MED13: variants seen among roughly 807,000 people sequenced by gnomAD.
The protein encoded by MED13 is mediator of RNA polymerase II transcription subunit 13.
In MED13, 23 loss-of-function variants were observed where a neutral mutation model predicts 225.2. The observed-to-expected ratio is 0.10, with a 90% CI of 0.07 to 0.14. MED13 has a LOEUF of 0.14. MED13 is among the 10% of genes least tolerant of loss of function. MED13 has a pLI of 1.00. For missense variants in MED13, 2,197 were observed against 2,594.5 expected (o/e 0.85, Z 3.33); for synonymous variants, 942 against 889.2 (o/e 1.06, Z -1.06).
At chr17:61,954,132 G>C (rs9889643) in intron 26 of MED13, among the ~76,000 whole-genome samples, 3,122 of 152,226 alleles carry the variant, frequency 0.021, 103 homozygotes, top group African/African-American at 0.071. Context: ...AGATAAGGAG[G>C]ATTACTGTAT....
chr17:61,953,233 CTGAG>C (rs1316915943), intron 26 of MED13, 120 bp from the exon 27 acceptor site: 200 of 966,908 alleles, frequency 2.1e-4, no homozygotes, highest in Middle Eastern at 1.6e-3. Context: ...CCAACATTTA[CTGAG>C]TGTCTACCAT....
At chr17:62,054,073 G>A (rs1424593460) in intron 2 of MED13, among the ~76,000 whole-genome samples, 1 of 152,160 alleles carries the variant, frequency 6.6e-6, no homozygotes, top group African/African-American at 2.4e-5. Flanking sequence ...TTGGGAGGCT[G>A]AGGTGGGCGG....
chr17:62,061,920 TAAC>T (rs2081042121), intron 2 of MED13, among the ~76,000 whole-genome samples: 1 of 152,288 alleles, frequency 6.6e-6, no homozygotes, highest in East Asian at 1.9e-4. Context: ...CTCTCAAAAA[TAAC>T]AATTAACACT....
intron 8 of MED13, among the ~76,000 whole-genome samples, chr17:62,012,327 CT>C (rs60421231): frequency 0.12 from 15,730 of 129,522 alleles, 517 homozygotes; most frequent in South Asian, 0.27. Context: ...CACTAAGAAA[CT>C]TTTTTTTTTT....
At position 62,033,870 on chromosome 17, in the gene MED13, C is replaced by T. The variant is rs753501852; in HGVS notation, c.731G>A (p.Cys244Tyr). ...TTCTTCAGACATCTCCTTCAAGCAA[C>T]ATGAGATAGGATAGAACTGTTTCCA... ...GEWKQFYPIS[C>Y]CLKEMSEEKQ... Residue 244 changes from cysteine (C) to tyrosine (Y), a missense_variant, in exon 5 of 30, where the codon TGT becomes TAT. Around this residue, in one of 12 missense-constraint regions of MED13, gnomAD observed 884 missense variants for 918.5 expected, o/e 0.96. Coordinates refer to ENST00000397786, the MANE Select transcript of MED13 (RefSeq NM_005121.3). The T allele has an allele frequency of 2.5e-6, 4 of 1,614,102 alleles. No homozygotes were observed. In the South Asian group the frequency reaches 3.3e-5, roughly 13 times the overall value.
At chr17:62,019,346 T>C (rs2080614784) in intron 8 of MED13, among the ~76,000 whole-genome samples, 4 of 152,346 alleles carry the variant, frequency 2.6e-5, no homozygotes, top group Non-Finnish European at 5.9e-5. Flanking sequence ...ACTGAAATTA[T>C]TGTTTTTAAT....
At position 61,949,878 on chromosome 17, in the gene MED13, T is replaced by C. The variant is rs56887241; in HGVS notation, c.6291+947A>G. Reference sequence around the variant, plus strand: ...TTTTGTAGTTTTAGTAGAAACGGGGTCTCACCATGTTGGCCAGACTGGTCT... The same window carrying C: ...TTTTGTAGTTTTAGTAGAAACGGGGCCTCACCATGTTGGCCAGACTGGTCT... On this transcript the variant is annotated intron_variant, in intron 28 of 29. Transcript: ENST00000397786. 7.6e-3 allele frequency among the ~76,000 whole-genome samples: 1,162 copies of C among 152,004 alleles called. 19 individuals are homozygous for C. The highest frequency in any genetic ancestry group is 0.027 in the African/African-American group (1,115 of 41,468).
chr17:61,998,596 C>A (rs896415443), intron 9 of MED13, among the ~76,000 whole-genome samples: 1 of 115,542 alleles, frequency 8.7e-6, no homozygotes, highest in Non-Finnish European at 1.8e-5. Flanking sequence ...TTCCCACCGC[C>A]TTTTTTTTTT....
chr17:61,956,467 T>C lies in MED13; in HGVS notation c.5495A>G (p.Lys1832Arg). 1 of 1,612,076 alleles carries C rather than the reference T, an allele frequency of 6.2e-7. No homozygotes were observed. Among genetic ancestry groups the C allele is most frequent in the Non-Finnish European group, 8.5e-7 (1 of 1,179,434 alleles). ...TAGACCAAATTTTCTAGCAGAACTT[T>C]TTTTCCGACGAGCCCTATTGTGTGA... ...IDVPNRARRK[K>R]SSARKFGLQK... is the part of the protein sequence containing the mutation. Residue 1832 changes from lysine (K) to arginine (R), a missense_variant, in exon 24 of 30, where the codon AAA becomes AGA. Coordinates refer to ENST00000397786, the MANE Select transcript of MED13 (RefSeq NM_005121.3).
At position 62,039,346 on chromosome 17, in the gene MED13, G is replaced by A. The variant is rs144977986; in HGVS notation, c.471-3738C>T. Among the ~76,000 whole-genome samples the A allele has an allele frequency of 4.1e-3, 630 of 152,022 alleles. 5 individuals are homozygous for A. The highest frequency in any genetic ancestry group is 0.014 in the African/African-American group (571 of 41,460). On this transcript the variant is annotated intron_variant, in intron 3 of 29. Transcript: ENST00000397786. ...TGCCCAAGATGGAGTGCAGTGGTGC[G>A]ACCTTGGCTCACTGCAGCCTCCACT...
At chr17:62,055,383 C>T (rs1306277501) in intron 2 of MED13, among the ~76,000 whole-genome samples, 1 of 150,838 alleles carries the variant, frequency 6.6e-6, no homozygotes, top group Non-Finnish European at 1.5e-5. Flanking sequence ...TAGCGAGACT[C>T]TGACTCAAAA....
intron 11 of MED13, among the ~76,000 whole-genome samples, chr17:61,988,269 C>T (rs988431443): frequency 1.3e-5 from 2 of 152,114 alleles, no homozygotes; most frequent in African/African-American, 4.8e-5. Context: ...TAAATATTAC[C>T]GCTTAGTTAC....
chr17:62,035,075 C>T (rs1429120407), intron 4 of MED13, among the ~76,000 whole-genome samples: 1 of 152,046 alleles, frequency 6.6e-6, no homozygotes, highest in Non-Finnish European at 1.5e-5. Flanking sequence ...GAACCAAGAT[C>T]ATGCCACTGC....
At chr17:61,975,535 T>C (rs2080147481) in intron 16 of MED13, among the ~76,000 whole-genome samples, 1 of 152,196 alleles carries the variant, frequency 6.6e-6, no homozygotes. Flanking sequence ...GCAGCTGCTA[T>C]GGAAAACAAT....
chr17:61,951,649 T>C (rs900821919), intron 27 of MED13, among the ~76,000 whole-genome samples: 2 of 152,228 alleles, frequency 1.3e-5, no homozygotes, highest in Non-Finnish European at 2.9e-5. Flanking sequence ...TAAAACCTCA[T>C]TATACTTATT....
In MED13 at chr17:62,002,265, G is replaced by A. The variant is rs182209299; in HGVS notation, c.1968-6900C>T. Among the ~76,000 whole-genome samples the A allele has an allele frequency of 1.5e-3, 234 of 152,174 alleles. 3 individuals are homozygous for A. Among genetic ancestry groups the A allele is most frequent in the Middle Eastern group, 6.8e-3 (2 of 294 alleles). On this transcript the variant is annotated intron_variant, in intron 9 of 29. Coordinates refer to ENST00000397786, the MANE Select transcript of MED13 (RefSeq NM_005121.3). ...AGCACTTTGGGAGGCTGAGGTGGGC[G>A]GATCACCTGAGGTAGGGAGTTCAAG... is the stretch of plus-strand genomic sequence containing the variant.
At chr17:61,963,480 C>A (rs1009238760) in intron 20 of MED13, among the ~76,000 whole-genome samples, 5 of 151,528 alleles carry the variant, frequency 3.3e-5, no homozygotes, top group African/African-American at 1.2e-4. Flanking sequence ...ATATATATAT[C>A]TTTTTTTTGA....
Position 61,946,385 on chromosome 17 carries a change from T to C in MED13, c.*83A>G. On this transcript the variant is annotated 3_prime_UTR_variant, in exon 30 of 30. Coordinates refer to ENST00000397786, the MANE Select transcript of MED13 (RefSeq NM_005121.3). ...AGACCCCATCACAAATGACCTTCAC[T>C]GAGAAGATAATTGTAACTTAATCCT... is the stretch of plus-strand genomic sequence containing the variant. 6.7e-7 allele frequency: 1 copy of C among 1,489,808 alleles called. No individual in the cohort carries two copies. The highest frequency in any genetic ancestry group is 1.2e-5 in the South Asian group (1 of 84,444). The allele number at this position is 1,489,808 out of a possible 1,614,324, so 92.3% of individuals were successfully genotyped here. A position where few individuals can be genotyped will look rare whatever the true frequency, so the allele number is the denominator to read the frequency against.
chr17:61,987,121 T>C lies in MED13; in HGVS notation c.2271A>G (p.Pro757=). Reference sequence around the variant, plus strand: ...GAGGACGGGCATGACTAGTAGGGCGTGGAGCATCTACAAAAGTCAATCAGA... The same window carrying C: ...GAGGACGGGCATGACTAGTAGGGCGCGGAGCATCTACAAAAGTCAATCAGA... The part of the protein sequence containing the change: ...LFSPSIKQDA[P]RPTSHARPPS... The change falls in exon 12 of 30, where the codon CCA becomes CCG. Residue 757 remains proline (P), a synonymous_variant. Coordinates refer to ENST00000397786, the MANE Select transcript of MED13 (RefSeq NM_005121.3). 6.3e-7 allele frequency: 1 copy of C among 1,595,714 alleles called. No homozygotes were observed. The highest frequency in any genetic ancestry group is 8.5e-7 in the Non-Finnish European group (1 of 1,173,212).
Sources: allele counts gnomAD v4.1 joint callset (sites outside exome capture counted in the v4.1 genomes callset), GRCh38; gene constraint gnomAD v4.1.1; regional missense constraint gnomAD v4.1.1; transcripts MANE v1.5; gene names NCBI Gene and HGNC (gene_info 2026-07-23, HGNC 2026-07-21).